The following BTBD9 variants were observed in gnomAD, a reference collection of about 807,000 sequenced individuals.
BTBD9 encodes the protein BTB/POZ domain-containing protein 9.
Under a neutral mutation model 64.3 loss-of-function variants are expected in BTBD9, and 49 were observed. The ratio of observed to expected loss-of-function variants is 0.76; its 90% confidence interval spans 0.61 to 0.97. The LOEUF (loss-of-function observed/expected upper bound fraction) is 0.97, where lower values mean the gene tolerates loss of function less well. Ranked by LOEUF, BTBD9 falls within the 50% of genes least tolerant of loss-of-function variation. The pLI, the probability that BTBD9 is intolerant of heterozygous loss-of-function variation, is 0.00. For synonymous variants in BTBD9, 260 were observed against 274.7 expected, an observed-to-expected ratio of 0.95 and a Z score of 0.53; for missense variants, 598 against 762.1, an observed-to-expected ratio of 0.78 and a Z score of 2.53.
Position 38,318,003 on chromosome 6 carries a change from C to T in BTBD9, c.1264+26981G>A, listed in dbSNP as rs570962333. Among the ~76,000 whole-genome samples, 20 of 146,080 alleles carry T rather than the reference C, an allele frequency of 1.4e-4. No individual in the cohort carries two copies. In the South Asian group the frequency reaches 1.5e-3, roughly 11 times the overall value. ...AGGCTGGAGTGCAGTGGCGTGATCT[C>T]GGCTCATTGCAACTTCCACCTCCTG... is the stretch of plus-strand genomic sequence containing the variant. On this transcript the variant is annotated intron_variant, in intron 7 of 10. Coordinates refer to ENST00000481247, the MANE Select transcript of BTBD9 (RefSeq NM_001099272.2).
chr6:38,303,364 C>G (rs978889189), intron 7 of BTBD9, among the ~76,000 whole-genome samples: 1 of 146,284 alleles, frequency 6.8e-6, no homozygotes, highest in African/African-American at 2.5e-5. Context: ...TGCGACTGTT[C>G]CTGCTCACCA....
chr6:38,581,360 C>T (rs991588834), intron 4 of BTBD9, among the ~76,000 whole-genome samples: 1 of 152,004 alleles, frequency 6.6e-6, no homozygotes, highest in East Asian at 1.9e-4. Flanking sequence ...TATGAATATG[C>T]TGAAATTAAT....
At chr6:38,427,704 G>T (rs376999936) in intron 6 of BTBD9, among the ~76,000 whole-genome samples, 12 of 151,988 alleles carry the variant, frequency 7.9e-5, no homozygotes, top group African/African-American at 2.7e-4. Flanking sequence ...AGGTAATGGA[G>T]AACTAACAAA....
At chr6:38,223,319 G>A (rs1310755566) in intron 9 of BTBD9, among the ~76,000 whole-genome samples, 1 of 152,122 alleles carries the variant, frequency 6.6e-6, no homozygotes, top group Admixed American at 6.6e-5. Context: ...AGGTTTTCCT[G>A]TGCAGGAATT....
intron 6 of BTBD9, among the ~76,000 whole-genome samples, chr6:38,488,827 G>T (rs891673500): frequency 2.0e-5 from 3 of 151,354 alleles, no homozygotes; most frequent in Non-Finnish European, 4.4e-5. Flanking sequence ...CAAAAAAAGA[G>T]AATAATTATT....
chr6:38,346,163 C>T (rs929151145), intron 6 of BTBD9, among the ~76,000 whole-genome samples: 5 of 152,140 alleles, frequency 3.3e-5, no homozygotes, highest in Non-Finnish European at 7.4e-5. Flanking sequence ...GTAAAACAAC[C>T]TTCAATTTAG....
At chr6:38,453,061 T>C (rs775397745) in intron 6 of BTBD9, among the ~76,000 whole-genome samples, 6 of 152,184 alleles carry the variant, frequency 3.9e-5, no homozygotes, top group African/African-American at 9.6e-5. Flanking sequence ...TCTGTTTAGC[T>C]AGAAAGCGTA....
At chr6:38,221,949 C>A (rs1763211077) in intron 9 of BTBD9, among the ~76,000 whole-genome samples, 1 of 151,944 alleles carries the variant, frequency 6.6e-6, no homozygotes, top group African/African-American at 2.4e-5. Context: ...TGAGAGTGCA[C>A]CACTGTACTC....
intron 8 of BTBD9, among the ~76,000 whole-genome samples, chr6:38,275,843 A>C (rs1197553579): frequency 2.0e-5 from 3 of 152,080 alleles, no homozygotes; most frequent in Admixed American, 6.6e-5. Context: ...AAAAGCCAGG[A>C]AACAACAGGT....
At chr6:38,275,675 A>G (rs1243831710) in intron 8 of BTBD9, among the ~76,000 whole-genome samples, 11 of 152,236 alleles carry the variant, frequency 7.2e-5, no homozygotes, top group Admixed American at 7.2e-4. Flanking sequence ...AACTCCATCA[A>G]AAAGTGGGCG....
chr6:38,235,737 T>C (rs1763755153), intron 9 of BTBD9, among the ~76,000 whole-genome samples: 1 of 152,240 alleles, frequency 6.6e-6, no homozygotes, highest in African/African-American at 2.4e-5. Context: ...CCTATTTTCA[T>C]TGAAATGTCT....
chr6:38,586,599 C>T (rs1393933032), intron 4 of BTBD9, among the ~76,000 whole-genome samples: 1 of 152,122 alleles, frequency 6.6e-6, no homozygotes, highest in Non-Finnish European at 1.5e-5. Context: ...AATCTACATC[C>T]AGATTCTGAA....
Position 38,230,360 on chromosome 6 carries a change from T to C in BTBD9, c.1562+26049A>G, listed in dbSNP as rs369302023. ...AAAATAGAAAATTAGCTGGGCATGG[T>C]GGCAGGTTCCTATAGTCCCAGCTAC... On this transcript the variant is annotated intron_variant, in intron 9 of 10. Transcript: ENST00000481247. Among the ~76,000 whole-genome samples, 218 of 152,120 alleles carry C rather than the reference T, an allele frequency of 1.4e-3. 4 individuals are homozygous for C. In the South Asian group the frequency reaches 0.043, roughly 30 times the overall value.
intron 9 of BTBD9, among the ~76,000 whole-genome samples, chr6:38,251,264 ATT>A (rs374203427): frequency 2.2e-5 from 3 of 139,386 alleles, no homozygotes; most frequent in African/African-American, 2.6e-5. Flanking sequence ...AAGAGGTGTG[ATT>A]TTTTTTTTTT....
rs116315563 is a variant in BTBD9 at position 38,274,076 on chromosome 6, G to A, written c.1454+14196C>T. 2.2e-3 allele frequency among the ~76,000 whole-genome samples: 331 copies of A among 152,324 alleles called. 2 individuals carry two copies. Among genetic ancestry groups the A allele is most frequent in the African/African-American group, 7.6e-3 (318 of 41,572 alleles). ...TAGGGGAAGGCATGAAGAAATGGTC[G>A]AAGGAAGAGGTCCTTCACGTCCCTT... On this transcript the variant is annotated intron_variant, in intron 8 of 10. Transcript: ENST00000481247.
intron 9 of BTBD9, among the ~76,000 whole-genome samples, chr6:38,245,778 AT>A (rs1376284115): frequency 6.6e-6 from 1 of 152,166 alleles, no homozygotes; most frequent in East Asian, 1.9e-4. Context: ...TGTGATCTTG[AT>A]TTATTTTTAA....
chr6:38,481,582 G>A (rs1314479626), intron 6 of BTBD9: 1 of 152,212 alleles, frequency 6.6e-6, no homozygotes, highest in African/African-American at 2.4e-5. Flanking sequence ...GGGCACATGA[G>A]GGAGGGGCCA....
rs868626197 is a variant in BTBD9 at position 38,299,730 on chromosome 6, G to T, written c.1265-11269C>A. 4.2e-3 allele frequency among the ~76,000 whole-genome samples: 637 copies of T among 151,982 alleles called. 5 individuals are homozygous for T. Among genetic ancestry groups the T allele is most frequent in the African/African-American group, 0.015 (609 of 41,450 alleles). On this transcript the variant is annotated intron_variant, in intron 7 of 10. Coordinates refer to ENST00000481247, the MANE Select transcript of BTBD9 (RefSeq NM_001099272.2). Reference sequence around the variant, plus strand: ...TTTGTTTTTTTCTTGTAAATTTGTTGGAGTTCATTGTAGATTCTGGATATT... The same window carrying T: ...TTTGTTTTTTTCTTGTAAATTTGTTTGAGTTCATTGTAGATTCTGGATATT...
chr6:38,239,433 T>A (rs1582097661), intron 9 of BTBD9, among the ~76,000 whole-genome samples: 1 of 130,494 alleles, frequency 7.7e-6, no homozygotes, highest in African/African-American at 3.0e-5. Context: ...AGCAAGACTC[T>A]GTCTCAAAAA....
Sources: allele counts gnomAD v4.1 joint callset (sites outside exome capture counted in the v4.1 genomes callset), GRCh38; gene constraint gnomAD v4.1.1; transcripts MANE v1.5; gene names NCBI Gene and HGNC (gene_info 2026-07-23, HGNC 2026-07-21).